Variants in LGSN observed in about 807,000 individuals in gnomAD.
LGSN encodes the protein lengsin, lens protein with glutamine synthetase domain, also known as lengsin.
LGSN carries 21 observed loss-of-function variants against 19.5 expected under a neutral mutation model. That is an observed-to-expected ratio of 1.07 (90% CI 0.76 to 1.55). The LOEUF (loss-of-function observed/expected upper bound fraction) is 1.55, where lower values mean the gene tolerates loss of function less well. LGSN is among the 40% of genes most tolerant of loss of function. LGSN has a pLI of 0.00. For missense variants in LGSN, 673 were observed against 608.5 expected, an observed-to-expected ratio of 1.11 and a Z score of -1.12; for synonymous variants, 257 against 215.6, an observed-to-expected ratio of 1.19 and a Z score of -1.68.
At chr6:63,529,133 G>GTA in the LGSN span, among the ~76,000 whole-genome samples, 1 of 136,156 alleles carries the variant, frequency 7.3e-6, no homozygotes, top group South Asian at 2.4e-4. Flanking sequence ...ATATATATGT[G>GTA]TGTGTATATA....
At chr6:63,481,801 A>G in the LGSN span, 1 of 312,132 alleles carries the variant, frequency 3.2e-6, no homozygotes, top group South Asian at 3.4e-5. Context: ...ATAAAGTTGG[A>G]ACAGATATGC....
chr6:63,399,822 A>G, the LGSN span, among the ~76,000 whole-genome samples: 1 of 152,096 alleles, frequency 6.6e-6, no homozygotes, highest in African/African-American at 2.4e-5. Context: ...CAGCCTCCTG[A>G]GTAGCTGGGA....
rs758348339 is a variant in LGSN at position 63,281,065 on chromosome 6, A to C, written c.486T>G (p.Ala162=). 5.6e-6 allele frequency: 9 copies of C among 1,613,864 alleles called. No individual in the cohort carries two copies. Among genetic ancestry groups the C allele is most frequent in the African/African-American group, 1.3e-5 (1 of 74,866 alleles). Residue 162 remains alanine (A), a synonymous_variant, in exon 4 of 4, where the codon GCT becomes GCG. Coordinates refer to ENST00000370657, the MANE Select transcript of LGSN (RefSeq NM_016571.3). ...CACATATCACTCTTGCAGTTCTGTC[A>C]GCCCATGGCAAAACTCTAAAGGTTG... ...ELSTFRVLPW[A]DRTARVICDT... is the part of the protein sequence containing the mutation.
At chr6:63,492,698 C>T in the LGSN span, among the ~76,000 whole-genome samples, 19 of 152,322 alleles carry the variant, frequency 1.2e-4, 1 homozygote, top group South Asian at 2.1e-4. Flanking sequence ...TTTCCAGGCA[C>T]AGAACAGCAT....
At chr6:63,314,425 G>A (rs539399448) in intron 1 of LGSN, among the ~76,000 whole-genome samples, 29 of 152,252 alleles carry the variant, frequency 1.9e-4, no homozygotes, top group African/African-American at 6.7e-4. Flanking sequence ...ATTTAAGCCA[G>A]CCAACCTACG....
chr6:63,526,514 T>A, the LGSN span, among the ~76,000 whole-genome samples: 466 of 151,702 alleles, frequency 3.1e-3, 3 homozygotes, highest in East Asian at 0.01. Flanking sequence ...AATATTTTTT[T>A]AAAAAGATTT....
chr6:63,435,005 A>G, the LGSN span, among the ~76,000 whole-genome samples: 5 of 152,330 alleles, frequency 3.3e-5, no homozygotes, highest in East Asian at 9.6e-4. Flanking sequence ...ACATGTATTC[A>G]GGAGCAATAT....
chr6:63,459,419 T>C, the LGSN span, among the ~76,000 whole-genome samples: 2 of 152,116 alleles, frequency 1.3e-5, no homozygotes, highest in Non-Finnish European at 2.9e-5. Context: ...AAATTTTCTG[T>C]TTAAATTTTC....
At chr6:63,487,457 T>C in the LGSN span, among the ~76,000 whole-genome samples, 1 of 152,368 alleles carries the variant, frequency 6.6e-6, no homozygotes, top group South Asian at 2.1e-4. Flanking sequence ...CAAGGCTTTT[T>C]GCTTGGAAGA....
At chr6:63,472,940 C>T in the LGSN span, among the ~76,000 whole-genome samples, 1 of 149,984 alleles carries the variant, frequency 6.7e-6, no homozygotes, top group African/African-American at 2.5e-5. Flanking sequence ...GACTCTGTCT[C>T]AAAAAAATAA....
At chr6:63,410,355 T>A in the LGSN span, among the ~76,000 whole-genome samples, 1 of 152,198 alleles carries the variant, frequency 6.6e-6, no homozygotes, top group African/African-American at 2.4e-5. Context: ...AAAGTGGGAC[T>A]CTATAATATT....
At chr6:63,532,828 G>A in the LGSN span, among the ~76,000 whole-genome samples, 1 of 151,652 alleles carries the variant, frequency 6.6e-6, no homozygotes, top group East Asian at 1.9e-4. Flanking sequence ...AAAAAATATC[G>A]TCTGGAAAAA....
chr6:63,555,693 T>A, the LGSN span, among the ~76,000 whole-genome samples: 1 of 103,366 alleles, frequency 9.7e-6, no homozygotes, highest in African/African-American at 4.6e-5. Context: ...AATTACACTC[T>A]TTTTTTTTTT....
At chr6:63,359,273 G>C in the LGSN span, among the ~76,000 whole-genome samples, 1 of 152,174 alleles carries the variant, frequency 6.6e-6, no homozygotes, top group Non-Finnish European at 1.5e-5. Flanking sequence ...ATGTTCATCA[G>C]GAATATTGGT....
the LGSN span, among the ~76,000 whole-genome samples, chr6:63,384,250 C>T: frequency 1.4e-4 from 22 of 152,274 alleles, no homozygotes; most frequent in African/African-American, 4.6e-4. Flanking sequence ...ATTTTCAGTT[C>T]CAAGAGTAAA....
the LGSN span, among the ~76,000 whole-genome samples, chr6:63,480,940 GATAT>G: frequency 0.065 from 3,849 of 59,324 alleles, 178 homozygotes; most frequent in Non-Finnish European, 0.097. Flanking sequence ...TAAAGAAAAT[GATAT>G]ATATATATAT....
chr6:63,413,835 G>C, the LGSN span, among the ~76,000 whole-genome samples: 1 of 152,078 alleles, frequency 6.6e-6, no homozygotes, highest in African/African-American at 2.4e-5. Context: ...ATAGAGTTCC[G>C]ATTATCCTTT....
At chr6:63,472,050 C>T in the LGSN span, among the ~76,000 whole-genome samples, 1 of 152,168 alleles carries the variant, frequency 6.6e-6, no homozygotes, top group East Asian at 1.9e-4. Flanking sequence ...TTATTTCTTG[C>T]CTCTGCAGCT....
the LGSN span, among the ~76,000 whole-genome samples, chr6:63,334,682 A>C: frequency 2.2e-4 from 33 of 152,356 alleles, no homozygotes; most frequent in East Asian, 4.2e-3. Context: ...ATGAAGCTGG[A>C]GGCATCACAC....
Sources: allele counts gnomAD v4.1 joint callset (sites outside exome capture counted in the v4.1 genomes callset), GRCh38; gene constraint gnomAD v4.1.1; transcripts MANE v1.5; gene names NCBI Gene and HGNC (gene_info 2026-07-23, HGNC 2026-07-21).